PARP8: variants seen among roughly 807,000 people sequenced by gnomAD.
The protein encoded by PARP8 is poly(ADP-ribose) polymerase family member 8.
PARP8 carries 51 observed loss-of-function variants against 124.1 expected under a neutral mutation model. The observed-to-expected ratio is 0.41, with a 90% confidence interval of 0.33 to 0.52. The LOEUF (loss-of-function observed/expected upper bound fraction) is 0.52. Among genes scored for constraint, PARP8 ranks in the 20% least tolerant of loss-of-function variants. The pLI is 0.21. For synonymous variants in PARP8, 391 were observed against 361.5 expected (o/e 1.08, Z -0.93); for missense variants, 860 against 1,018.9 (o/e 0.84, Z 2.12).
chr5:50,834,947 C>T lies in PARP8; in HGVS notation c.2394C>T (p.Asp798=). Residue 798 remains aspartate (D), a synonymous_variant, in exon 25 of 26, where the codon GAC becomes GAT. Transcript: ENST00000281631. ...IALCEVITSS[D]LHKHGEIWVV... ...ACTTAACAGTGATCACCTCATCTGA[C>T]CTGCACAAACATGGAGAGATATGGG... The T allele has an allele frequency of 7.4e-6, 12 of 1,613,256 alleles. No individual in the cohort carries two copies. Among genetic ancestry groups the T allele is most frequent in the Non-Finnish European group, 1.0e-5 (12 of 1,179,446 alleles).
chr5:50,673,052 A>G (rs955165247), intron 2 of PARP8, among the ~76,000 whole-genome samples: 16 of 152,324 alleles, frequency 1.1e-4, no homozygotes, highest in African/African-American at 3.6e-4. Flanking sequence ...TTCTCTTGGC[A>G]ATGGGACTTT....
chr5:50,687,694 T>A (rs1752020280), intron 2 of PARP8, among the ~76,000 whole-genome samples: 1 of 152,050 alleles, frequency 6.6e-6, no homozygotes, highest in Non-Finnish European at 1.5e-5. Flanking sequence ...GTAAGTCACA[T>A]CTTACATAGA....
intron 3 of PARP8, among the ~76,000 whole-genome samples, chr5:50,754,980 T>C (rs1297486177): frequency 6.6e-6 from 1 of 152,222 alleles, no homozygotes; most frequent in Admixed American, 6.5e-5. Flanking sequence ...CATAAATGTC[T>C]TCTTTTGAGA....
At chr5:50,759,796 G>A (rs142915161) in intron 4 of PARP8, 64 bp downstream of exon 4, 3 of 1,459,098 alleles carry the variant, frequency 2.1e-6, no homozygotes, top group Non-Finnish European at 1.8e-6. Context: ...TTTTTTGTTT[G>A]TTTGTTTGTT....
Position 50,666,921 on chromosome 5 carries a change from C to CCG in PARP8, c.-174_-173insGC. The CCG allele has an allele frequency of 1.6e-6, 1 of 617,150 alleles. No individual in the cohort carries two copies. The highest frequency in any genetic ancestry group is 2.1e-6 in the Non-Finnish European group (1 of 478,370). The allele number at this position is 617,150 out of a possible 1,614,324, so 38.2% of individuals were successfully genotyped here. ...GACCTCCCCCTCCTCCTCCTCCTCC[C>CCG]CCTCCTCCTCCTCCTCTTCTCTCAC... On this transcript the variant is annotated 5_prime_UTR_variant, in exon 1 of 26. It removes the in-frame stop codon of an upstream open reading frame in the 5' UTR. Transcript: ENST00000281631.
intron 21 of PARP8, among the ~76,000 whole-genome samples, chr5:50,829,382 T>A (rs1254093528): frequency 6.6e-6 from 1 of 152,196 alleles, no homozygotes; most frequent in African/African-American, 2.4e-5. Context: ...ATACTAATAG[T>A]GTGTGAGGGC....
intron 2 of PARP8, chr5:50,739,128 C>T (rs774502641): frequency 7.2e-6 from 5 of 698,570 alleles, no homozygotes; most frequent in Non-Finnish European, 1.3e-5. Context: ...AATGGAGCAC[C>T]CTGAACCAAC....
At chr5:50,799,352 C>T (rs73102806) in intron 14 of PARP8, among the ~76,000 whole-genome samples, 3,797 of 152,210 alleles carry the variant, frequency 0.025, 155 homozygotes, top group African/African-American at 0.087. Context: ...ATCTTGGCAC[C>T]CTCGTTGAAA....
At chr5:50,811,674 T>TG (rs756462801) in intron 14 of PARP8, among the ~76,000 whole-genome samples, 1 of 152,118 alleles carries the variant, frequency 6.6e-6, no homozygotes, top group Non-Finnish European at 1.5e-5. Flanking sequence ...TGTGCCATGT[T>TG]GGTTTGCTGC....
Position 50,843,008 on chromosome 5 carries a change from AT to A in PARP8, c.*942del, listed in dbSNP as rs1748327982. The A allele has an allele frequency of 6.6e-6, 1 of 151,732 alleles. No individual in the cohort carries two copies. The highest frequency in any genetic ancestry group is 1.5e-5 in the Non-Finnish European group (1 of 67,780). The allele number at this position is 151,732 out of a possible 1,614,324, so 9.4% of individuals were successfully genotyped here. The stretch of plus-strand genomic sequence containing the variant: ...TATATTTTTTATTTACTACAAAAAA[AT>A]TATACAATTTTATTTATGCCACACC... On this transcript the variant is annotated 3_prime_UTR_variant, in exon 26 of 26. Coordinates refer to ENST00000281631, the MANE Select transcript of PARP8 (RefSeq NM_024615.4).
chr5:50,795,749 A>C (rs1742467795), intron 12 of PARP8, among the ~76,000 whole-genome samples: 1 of 152,240 alleles, frequency 6.6e-6, no homozygotes, highest in Non-Finnish European at 1.5e-5. Flanking sequence ...TTAATGTTTC[A>C]TTAAGTAGGT....
At chr5:50,746,499 A>G (rs938500801) in intron 2 of PARP8, among the ~76,000 whole-genome samples, 5 of 152,166 alleles carry the variant, frequency 3.3e-5, no homozygotes, top group African/African-American at 1.2e-4. Context: ...AATATACATG[A>G]CACTTTTGTA....
Position 50,813,707 on chromosome 5 carries a change from A to G in PARP8, c.1576-1725A>G, listed in dbSNP as rs115979238. 2.2e-3 allele frequency among the ~76,000 whole-genome samples: 340 copies of G among 152,312 alleles called. 2 individuals are homozygous for G. Among genetic ancestry groups the G allele is most frequent in the African/African-American group, 7.5e-3 (310 of 41,574 alleles). ...GGAATGCTTCCAGTTTTTGCCCTTC[A>G]GTATGATACTTGCTGTGGGTTTGTC... is the stretch of plus-strand genomic sequence containing the variant. On this transcript the variant is annotated intron_variant, in intron 14 of 25. Transcript: ENST00000281631.
chr5:50,834,866 A>T, intron 24 of PARP8, 65 bp from the exon 25 acceptor site: 2 of 1,334,886 alleles, frequency 1.5e-6, no homozygotes, highest in Non-Finnish European at 2.1e-6. Context: ...AGATATATTA[A>T]GTCGGAATGG....
rs149148736 is a variant in PARP8, at chr5:50,831,771, A to G, written c.2234-1010A>G. Among the ~76,000 whole-genome samples the G allele has an allele frequency of 2.0e-3, 300 of 152,290 alleles. 3 individuals are homozygous for G. Among genetic ancestry groups the G allele is most frequent in the African/African-American group, 6.8e-3 (284 of 41,570 alleles). The stretch of plus-strand genomic sequence containing the variant: ...GTGGAAGGGTTTACAAACCATGTGA[A>G]TGGATGTAAAAATTTGTGTTATATG... On this transcript the variant is annotated intron_variant, in intron 22 of 25. Transcript: ENST00000281631.
At chr5:50,667,333 G>T in intron 1 of PARP8, 147 bp downstream of exon 1, 1 of 849,168 alleles carries the variant, frequency 1.2e-6, no homozygotes, top group Non-Finnish European at 1.9e-6. Flanking sequence ...GAGCGCGGGA[G>T]CCAAAAGGGG....
intron 14 of PARP8, among the ~76,000 whole-genome samples, chr5:50,811,605 T>A (rs1217265186): frequency 6.6e-6 from 1 of 152,000 alleles, no homozygotes; most frequent in African/African-American, 2.4e-5. Context: ...GTTTTTTTTT[T>A]ATTCTTTAAG....
intron 2 of PARP8, 25 bp from the exon 3 acceptor site, chr5:50,750,126 C>CA (rs772191473): frequency 1.4e-6 from 2 of 1,467,036 alleles, no homozygotes; most frequent in African/African-American, 2.8e-5. Context: ...TAACTTGAGC[C>CA]TTTTTTGTTT....
At position 50,756,441 on chromosome 5, in the gene PARP8, C is replaced by T. The variant is rs1480267147; in HGVS notation, c.185-3202C>T. 4.0e-5 allele frequency among the ~76,000 whole-genome samples: 6 copies of T among 151,850 alleles called. No individual in the cohort carries two copies. In the East Asian group the frequency reaches 1.2e-3, roughly 29 times the overall value. ...TAAACAAATTTTTTTTTACAAATGT[C>T]AAAATAATTTGAGGAAGATTTAGAA... On this transcript the variant is annotated intron_variant, in intron 3 of 25. Transcript: ENST00000281631.
Sources: allele counts gnomAD v4.1 joint callset (sites outside exome capture counted in the v4.1 genomes callset), GRCh38; gene constraint gnomAD v4.1.1; transcripts MANE v1.5; gene names NCBI Gene and HGNC (gene_info 2026-07-23, HGNC 2026-07-21).